Variants in MYO5B observed in about 807,000 individuals in gnomAD.
MYO5B encodes the protein unconventional myosin-Vb.
In MYO5B, 143 loss-of-function variants were observed where a neutral mutation model predicts 229.3. That is an observed-to-expected ratio of 0.62 (90% CI 0.54 to 0.72). The LOEUF is 0.72. MYO5B is among the 30% of genes least tolerant of loss of function. The probability of loss-of-function intolerance (pLI) is 0.00; values close to 1 mark genes in which losing one functional copy is unlikely to be tolerated. For missense variants in MYO5B, 2,321 were observed against 2,331.0 expected (o/e 1.00, Z 0.09); for synonymous variants, 918 against 885.2 (o/e 1.04, Z -0.66).
intron 22 of MYO5B, among the ~76,000 whole-genome samples, chr18:49,884,634 G>T (rs1025433185): frequency 6.6e-6 from 1 of 152,064 alleles, no homozygotes; most frequent in African/African-American, 2.4e-5. Flanking sequence ...AGTGGGGAGC[G>T]GCTGTAAATA....
At chr18:49,947,383 G>T (rs992529416) in intron 14 of MYO5B, among the ~76,000 whole-genome samples, 3 of 152,008 alleles carry the variant, frequency 2.0e-5, no homozygotes, top group Non-Finnish European at 2.9e-5. Flanking sequence ...GGGATTACAG[G>T]CGTGAGCCAC....
intron 24 of MYO5B, among the ~76,000 whole-genome samples, chr18:49,878,702 G>T (rs2024553573): frequency 4.6e-5 from 7 of 152,168 alleles, no homozygotes; most frequent in Admixed American, 2.0e-4. Flanking sequence ...ACACACTTGG[G>T]TAGAATGTTC....
Position 50,067,349 on chromosome 18 carries a change from C to G in MYO5B, c.28-11971G>C, listed in dbSNP as rs150115033. Among the ~76,000 whole-genome samples the G allele has an allele frequency of 4.5e-3, 689 of 152,224 alleles. 10 individuals carry two copies. The highest frequency in any genetic ancestry group is 0.016 in the African/African-American group (661 of 41,536). On this transcript the variant is annotated intron_variant, in intron 1 of 39. Transcript: ENST00000285039. ...TGGACCCAAGGATTACAAGGAGAAGCCTTTGCCTGCTGCCTTCCTTCAACC... is the reference window on the plus strand; with the variant it reads ...TGGACCCAAGGATTACAAGGAGAAGGCTTTGCCTGCTGCCTTCCTTCAACC...
At position 49,832,136 on chromosome 18, in the gene MYO5B, T is replaced by C. The variant is rs113590485; in HGVS notation, c.5394+3208A>G. ...GAATTTTGGAAATAGTGGTGATGGT[T>C]ATGTAATATTGTGAATATACTTAAT... On this transcript the variant is annotated intron_variant, in intron 39 of 39. Coordinates refer to ENST00000285039, the MANE Select transcript of MYO5B (RefSeq NM_001080467.3). Among the ~76,000 whole-genome samples, 1,036 of 152,330 alleles carry C rather than the reference T, an allele frequency of 6.8e-3. 12 individuals carry two copies. Among genetic ancestry groups the C allele is most frequent in the African/African-American group, 0.023 (965 of 41,574 alleles).
intron 4 of MYO5B, among the ~76,000 whole-genome samples, chr18:50,010,348 A>G (rs140810206): frequency 5.5e-4 from 83 of 152,274 alleles, no homozygotes; most frequent in African/African-American, 1.9e-3. Flanking sequence ...ATCTCAGATG[A>G]GATACCATCA....
chr18:49,954,508 T>C, intron 12 of MYO5B, 73 bp from the exon 13 acceptor site: 1 of 1,595,090 alleles, frequency 6.3e-7, no homozygotes, highest in Non-Finnish European at 8.6e-7. Context: ...AGCAGAGGGA[T>C]GGGACCAGTA....
intron 14 of MYO5B, among the ~76,000 whole-genome samples, chr18:49,949,756 C>A (rs958937770): frequency 6.6e-6 from 1 of 151,994 alleles, no homozygotes; most frequent in Non-Finnish European, 1.5e-5. Flanking sequence ...TAAATGAAAA[C>A]CAATAAAAAA....
At chr18:49,972,028 G>A (rs768426864) in intron 10 of MYO5B, among the ~76,000 whole-genome samples, 7 of 152,126 alleles carry the variant, frequency 4.6e-5, no homozygotes, top group Non-Finnish European at 7.3e-5. Context: ...GCCCTGTATC[G>A]GGACCCTGCC....
intron 1 of MYO5B, among the ~76,000 whole-genome samples, chr18:50,091,646 T>C (rs1336896701): frequency 6.6e-6 from 1 of 152,128 alleles, no homozygotes; most frequent in Non-Finnish European, 1.5e-5. Context: ...GTTTCTGTCT[T>C]TGTAGGAGTC....
chr18:50,034,575 C>A (rs2026427639), intron 4 of MYO5B, among the ~76,000 whole-genome samples: 1 of 152,144 alleles, frequency 6.6e-6, no homozygotes, highest in African/African-American at 2.4e-5. Flanking sequence ...GAAACCCCGT[C>A]CCTACTAAAA....
At chr18:49,975,416 A>G (rs1281281826) in intron 9 of MYO5B, among the ~76,000 whole-genome samples, 1 of 152,206 alleles carries the variant, frequency 6.6e-6, no homozygotes, top group East Asian at 1.9e-4. Context: ...GTGCTGGGTG[A>G]GAGGCTGAAA....
intron 4 of MYO5B, among the ~76,000 whole-genome samples, chr18:50,011,964 G>C (rs1378014012): frequency 1.3e-5 from 2 of 151,980 alleles, no homozygotes; most frequent in African/African-American, 2.4e-5. Flanking sequence ...TGTAAAGAGT[G>C]GGACAGCATA....
At chr18:49,932,006 C>G (rs1017914280) in intron 16 of MYO5B, among the ~76,000 whole-genome samples, 4 of 152,236 alleles carry the variant, frequency 2.6e-5, no homozygotes, top group Admixed American at 1.3e-4. Flanking sequence ...TGTTCAGGAG[C>G]ATCTGGGACC....
chr18:50,075,388 T>C (rs1000118995), intron 1 of MYO5B, among the ~76,000 whole-genome samples: 1 of 152,126 alleles, frequency 6.6e-6, no homozygotes, highest in Admixed American at 6.5e-5. Context: ...TACCATGAAT[T>C]CCATGGTGAA....
At chr18:50,041,571 T>A (rs1411878207) in intron 2 of MYO5B, among the ~76,000 whole-genome samples, 1 of 152,262 alleles carries the variant, frequency 6.6e-6, no homozygotes, top group East Asian at 1.9e-4. Flanking sequence ...TCAAGTAGTA[T>A]TGGTAAGTAA....
chr18:49,844,878 G>C (rs2024105758), intron 33 of MYO5B, among the ~76,000 whole-genome samples: 1 of 152,236 alleles, frequency 6.6e-6, no homozygotes, highest in South Asian at 2.1e-4. Flanking sequence ...TTGGGGAAGA[G>C]ACGATGACAC....
chr18:49,954,899 C>T (rs1425345758), intron 12 of MYO5B, among the ~76,000 whole-genome samples: 1 of 152,256 alleles, frequency 6.6e-6, no homozygotes, highest in South Asian at 2.1e-4. Context: ...CACCTAGATA[C>T]CATTGTCCAG....
intron 13 of MYO5B, among the ~76,000 whole-genome samples, chr18:49,953,894 A>ATATGTG (rs1399261232): frequency 9.2e-6 from 1 of 108,472 alleles, no homozygotes; most frequent in Non-Finnish European, 2.2e-5. Context: ...ATATACATAT[A>ATATGTG]TGTGTGTGTG....
chr18:50,036,728 A>G, intron 4 of MYO5B, 122 bp downstream of exon 4: 1 of 1,167,724 alleles, frequency 8.6e-7, no homozygotes, highest in Non-Finnish European at 1.3e-6. Context: ...TTTGTTTCCA[A>G]GATGTTTCCT....
Sources: allele counts gnomAD v4.1 joint callset (sites outside exome capture counted in the v4.1 genomes callset), GRCh38; gene constraint gnomAD v4.1.1; transcripts MANE v1.5; gene names NCBI Gene and HGNC (gene_info 2026-07-23, HGNC 2026-07-21).